The following PIP5K1A variants were observed in gnomAD, a reference collection of about 807,000 sequenced individuals.
PIP5K1A encodes the protein phosphatidylinositol 4-phosphate 5-kinase type-1 alpha.
Under a neutral mutation model 72.9 loss-of-function variants are expected in PIP5K1A, and 46 were observed. The observed-to-expected ratio is 0.63, with a 90% CI of 0.50 to 0.81. PIP5K1A has a LOEUF of 0.81. Ranked by LOEUF, PIP5K1A falls within the 30% of genes least tolerant of loss-of-function variation. The probability of loss-of-function intolerance (pLI) is 0.00; values close to 1 mark genes in which losing one functional copy is unlikely to be tolerated. For synonymous variants in PIP5K1A, 228 were observed against 255.1 expected (o/e 0.89, Z 1.01); for missense variants, 458 against 706.1 (o/e 0.65, Z 3.98).
intron 1 of PIP5K1A, among the ~76,000 whole-genome samples, chr1:151,209,478 C>T (rs1172240028): frequency 2.8e-5 from 4 of 142,698 alleles, no homozygotes; most frequent in East Asian, 2.1e-4. Flanking sequence ...TTGCTCTTGT[C>T]GCCCAGGCTG....
chr1:151,214,153 A>G (rs1319702541), intron 1 of PIP5K1A, among the ~76,000 whole-genome samples: 1 of 152,192 alleles, frequency 6.6e-6, no homozygotes, highest in Non-Finnish European at 1.5e-5. Flanking sequence ...GCCATGATGT[A>G]TATTATCAGT....
chr1:151,231,889 A>G (rs1333950785), intron 5 of PIP5K1A, 88 bp downstream of exon 5: 19 of 1,201,536 alleles, frequency 1.6e-5, no homozygotes, highest in South Asian at 2.5e-5. Context: ...AGGTCGGACA[A>G]TTTAGACATG....
At chr1:151,214,218 A>G (rs1362997710) in intron 1 of PIP5K1A, among the ~76,000 whole-genome samples, 1 of 152,150 alleles carries the variant, frequency 6.6e-6, no homozygotes, top group African/African-American at 2.4e-5. Flanking sequence ...AATTATAGTT[A>G]TATATACACT....
chr1:151,242,540 G>A lies in PIP5K1A; in HGVS notation c.1613G>A (p.Gly538Glu), dbSNP rs754312824. ...GACCCCAGTTTCTCACCTCTAGTTG[G>A]AGAGACTTTGCAAATGCTAACTACA... ...IPDPSFSPLV[G>E]ETLQMLTTST... Residue 538 changes from glycine (G) to glutamate (E), a missense_variant, in exon 14 of 16, where the codon GGA becomes GAA. Around this residue, in one of 3 missense-constraint regions of PIP5K1A, gnomAD observed 157 missense variants for 175.5 expected, o/e 0.89. Transcript: ENST00000368888. 9.3e-6 allele frequency: 15 copies of A among 1,613,866 alleles called. No individual in the cohort carries two copies. The highest frequency in any genetic ancestry group is 5.0e-5 in the Admixed American group (3 of 59,976).
In PIP5K1A at chr1:151,239,990, T is replaced by C. The variant is rs761126634; in HGVS notation, c.1314T>C (p.Ala438=). Residue 438 remains alanine (A), a synonymous_variant, in exon 12 of 16, where the codon GCT becomes GCC. Coordinates refer to ENST00000368888, the MANE Select transcript of PIP5K1A (RefSeq NM_001135638.2). The part of the protein sequence containing the change: ...TVSVHRPGFY[A]ERFQRFMCNT... Reference sequence around the variant, plus strand: ...CAGTGCATCGCCCAGGCTTCTACGCTGAACGGTTCCAGCGCTTCATGTGCA... The same window carrying C: ...CAGTGCATCGCCCAGGCTTCTACGCCGAACGGTTCCAGCGCTTCATGTGCA... 6.2e-7 allele frequency: 1 copy of C among 1,613,212 alleles called. No individual in the cohort carries two copies. The highest frequency in any genetic ancestry group is 1.7e-5 in the Admixed American group (1 of 59,816).
At chr1:151,215,292 C>T (rs983563905) in intron 1 of PIP5K1A, among the ~76,000 whole-genome samples, 7 of 151,948 alleles carry the variant, frequency 4.6e-5, no homozygotes, top group African/African-American at 1.7e-4. Context: ...CCCGCCTTGG[C>T]CTCCCAAAGT....
chr1:151,242,636 T>C, intron 14 of PIP5K1A, 69 bp downstream of exon 14: 1 of 1,291,196 alleles, frequency 7.7e-7, no homozygotes, highest in Non-Finnish European at 1.1e-6. Flanking sequence ...ACCTCTATAA[T>C]TTGATTGCAT....
intron 9 of PIP5K1A, among the ~76,000 whole-genome samples, chr1:151,237,486 C>T (rs2101498234): frequency 6.6e-6 from 1 of 152,166 alleles, no homozygotes; most frequent in East Asian, 1.9e-4. Flanking sequence ...CATGATGAGA[C>T]CTCATCACTA....
At chr1:151,244,272 CATT>C (rs950216508) in intron 14 of PIP5K1A, among the ~76,000 whole-genome samples, 15 of 151,252 alleles carry the variant, frequency 9.9e-5, no homozygotes, top group African/African-American at 3.4e-4. Flanking sequence ...CTTTTCTTGT[CATT>C]ATTCCCTGAA....
chr1:151,238,843 C>T (rs1216491827), intron 10 of PIP5K1A, among the ~76,000 whole-genome samples: 1 of 152,194 alleles, frequency 6.6e-6, no homozygotes, highest in African/African-American at 2.4e-5. Flanking sequence ...TCTGTTCCTT[C>T]AGCTCTCCTT....
intron 13 of PIP5K1A, 44 bp downstream of exon 13, chr1:151,242,313 C>G (rs1412486228): frequency 1.2e-6 from 2 of 1,607,474 alleles, no homozygotes; most frequent in Non-Finnish European, 1.7e-6. Context: ...GGTACTCCCT[C>G]CCTTCCTTCT....
chr1:151,222,117 CT>C (rs1037096932), intron 1 of PIP5K1A, among the ~76,000 whole-genome samples: 1 of 151,976 alleles, frequency 6.6e-6, no homozygotes, highest in Non-Finnish European at 1.5e-5. Flanking sequence ...ATATTTTTTC[CT>C]TTTTTTGATA....
chr1:151,211,117 G>T (rs1204524205), intron 1 of PIP5K1A, among the ~76,000 whole-genome samples: 2 of 152,160 alleles, frequency 1.3e-5, no homozygotes, highest in Non-Finnish European at 2.9e-5. Flanking sequence ...AAATGCTTCT[G>T]CTCTGAAAGT....
At chr1:151,224,768 C>T (rs1018717370) in intron 3 of PIP5K1A, among the ~76,000 whole-genome samples, 5 of 152,176 alleles carry the variant, frequency 3.3e-5, no homozygotes, top group Non-Finnish European at 5.9e-5. Flanking sequence ...TTTAGCCATG[C>T]AGAAGCTGTT....
At chr1:151,242,294 A>G (rs1691856131) in intron 13 of PIP5K1A, 25 bp downstream of exon 13, 5 of 1,612,150 alleles carry the variant, frequency 3.1e-6, no homozygotes, top group Admixed American at 1.7e-5. Flanking sequence ...TGGGGTCCCC[A>G]TGTGATTGGG....
intron 3 of PIP5K1A, 96 bp downstream of exon 3, chr1:151,224,502 C>A: frequency 1.1e-6 from 1 of 876,792 alleles, no homozygotes; most frequent in Non-Finnish European, 1.9e-6. Context: ...GTACCAAATG[C>A]AATATATACC....
At chr1:151,226,512 G>A (rs1046589737) in intron 3 of PIP5K1A, among the ~76,000 whole-genome samples, 2 of 151,958 alleles carry the variant, frequency 1.3e-5, no homozygotes, top group African/African-American at 2.4e-5. Context: ...AGGAGTTCGA[G>A]ACTAGCCTGG....
At position 151,235,248 on chromosome 1, in the gene PIP5K1A, C is replaced by A. The variant is rs181139362; in HGVS notation, c.939+752C>A. ...CAGGCGCCCATCACCACGCCTGGGT[C>A]GTTTTTGTATTTTTAGTAGTGACAG... is the stretch of plus-strand genomic sequence containing the variant. On this transcript the variant is annotated intron_variant, in intron 8 of 15. Coordinates refer to ENST00000368888, the MANE Select transcript of PIP5K1A (RefSeq NM_001135638.2). Among the ~76,000 whole-genome samples the A allele has an allele frequency of 3.2e-3, 488 of 152,048 alleles. 3 individuals are homozygous for A. Among genetic ancestry groups the A allele is most frequent in the African/African-American group, 0.011 (471 of 41,482 alleles).
chr1:151,212,599 G>A (rs935709772), intron 1 of PIP5K1A, among the ~76,000 whole-genome samples: 2 of 150,900 alleles, frequency 1.3e-5, no homozygotes, highest in South Asian at 2.1e-4. Flanking sequence ...TTTTTGAGAC[G>A]GAGTCTCGCT....
Sources: allele counts gnomAD v4.1 joint callset (sites outside exome capture counted in the v4.1 genomes callset), GRCh38; gene constraint gnomAD v4.1.1; regional missense constraint gnomAD v4.1.1; transcripts MANE v1.5; gene names NCBI Gene and HGNC (gene_info 2026-07-23, HGNC 2026-07-21).